Variants in GVQW3 observed in about 807,000 individuals in gnomAD.
GVQW3 encodes the protein protein GVQW3.
A neutral mutation model predicts 12.5 loss-of-function variants in GVQW3; 7 were observed. The observed-to-expected ratio is 0.56, with a 90% CI of 0.32 to 1.05. The LOEUF is 1.05. Among genes scored for constraint, GVQW3 ranks in the 50% least tolerant of loss-of-function variants. GVQW3 has a pLI of 0.04. For synonymous variants in GVQW3, 71 were observed against 67.2 expected (o/e 1.06, Z -0.28); for missense variants, 188 against 190.8 (o/e 0.99, Z 0.09).
At chr11:76,400,134 T>G (rs754090496) in intron 1 of GVQW3, among the ~76,000 whole-genome samples, 18 of 151,692 alleles carry the variant, frequency 1.2e-4, no homozygotes, top group Non-Finnish European at 2.5e-4. Context: ...TTTTTTGAGA[T>G]GGAGTTTCGC....
intron 1 of GVQW3, chr11:76,392,609 T>G (rs1242683604): frequency 2.6e-5 from 4 of 152,244 alleles, no homozygotes; most frequent in Admixed American, 2.6e-4. Context: ...ATCTTTAAAA[T>G]CATGCTCACC....
At chr11:76,399,387 C>G (rs1454956983) in intron 1 of GVQW3, among the ~76,000 whole-genome samples, 1 of 152,148 alleles carries the variant, frequency 6.6e-6, no homozygotes, top group Non-Finnish European at 1.5e-5. Flanking sequence ...AATGATCCAC[C>G]CACCTCGGCC....
intron 1 of GVQW3, 23 bp from the exon 2 acceptor site, chr11:76,403,637 T>TTTTTTA: frequency 2.3e-6 from 1 of 444,032 alleles, no homozygotes; most frequent in South Asian, 6.2e-5. Context: ...GCCCAAATAA[T>TTTTTTA]TTTTTATTTT....
rs1304778167 is a variant in GVQW3 at position 76,405,301 on chromosome 11, TG to T, written c.*1546del. 6.6e-6 allele frequency: 1 copy of T among 152,238 alleles called. No individual in the cohort carries two copies. The highest frequency in any genetic ancestry group is 1.5e-5 in the Non-Finnish European group (1 of 68,068). The allele number at this position is 152,238 out of a possible 1,614,324, so 9.4% of individuals were successfully genotyped here. On this transcript the variant is annotated 3_prime_UTR_variant, in exon 2 of 2. Transcript: ENST00000529331. ...TAGGTAACAAGGAGCAAATGGCTTT[TG>T]GGTAGCCAGTCAACAGGGTCTGCCA...
intron 1 of GVQW3, among the ~76,000 whole-genome samples, chr11:76,402,319 G>A (rs1479063786): frequency 6.6e-6 from 1 of 152,202 alleles, no homozygotes; most frequent in Non-Finnish European, 1.5e-5. Flanking sequence ...TTGGGAGGCT[G>A]AGGTGGGTGG....
At chr11:76,408,814 G>A (rs1947063852), downstream of GVQW3, among the ~76,000 whole-genome samples, 1 of 152,196 alleles carries the variant, frequency 6.6e-6, no homozygotes, top group Non-Finnish European at 1.5e-5. Context: ...CAGACAGGGT[G>A]GAGTGGAAAG....
At chr11:76,390,669 C>A (rs563159186) in intron 1 of GVQW3, among the ~76,000 whole-genome samples, 1 of 151,742 alleles carries the variant, frequency 6.6e-6, no homozygotes, top group Non-Finnish European at 1.5e-5. Context: ...TAAAAAAATA[C>A]GAAAAAAATT....
downstream of GVQW3, chr11:76,411,233 G>T (rs953467526): frequency 6.6e-6 from 1 of 152,406 alleles, no homozygotes; most frequent in Non-Finnish European, 1.5e-5. Flanking sequence ...GTCTGGAGGA[G>T]GCTCAGTTTC....
At chr11:76,398,144 AAAAAAAG>A (rs1306357261) in intron 1 of GVQW3, among the ~76,000 whole-genome samples, 1 of 151,794 alleles carries the variant, frequency 6.6e-6, no homozygotes, top group Non-Finnish European at 1.5e-5. Context: ...CAAAAAAAAA[AAAAAAAG>A]AAAGAAAAGA....
At chr11:76,402,853 C>G (rs1947004256) in intron 1 of GVQW3, among the ~76,000 whole-genome samples, 1 of 152,086 alleles carries the variant, frequency 6.6e-6, no homozygotes, top group African/African-American at 2.4e-5. Context: ...CACACACCAC[C>G]ACACCCGACT....
intron 1 of GVQW3, among the ~76,000 whole-genome samples, chr11:76,400,711 C>A (rs1214474577): frequency 6.6e-6 from 1 of 152,144 alleles, no homozygotes. Flanking sequence ...TAAGCCACTG[C>A]ACCCGGCCCC....
downstream of GVQW3, chr11:76,411,079 C>T (rs1167319818): frequency 6.6e-6 from 1 of 152,300 alleles, no homozygotes; most frequent in African/African-American, 2.4e-5. Flanking sequence ...GCTCCACATA[C>T]AGTAGTTCCT....
At chr11:76,385,437 G>A (rs575915218) in intron 1 of GVQW3, among the ~76,000 whole-genome samples, 1 of 152,266 alleles carries the variant, frequency 6.6e-6, no homozygotes, top group South Asian at 2.1e-4. Flanking sequence ...CCAGCTATGT[G>A]TCCGTCACAC....
At chr11:76,403,242 G>A (rs12293827) in intron 1 of GVQW3, among the ~76,000 whole-genome samples, 19,745 of 152,088 alleles carry the variant, frequency 0.13, 1,676 homozygotes, top group African/African-American at 0.23. Flanking sequence ...CACCACTCCC[G>A]GCCTTGGAGG....
Position 76,403,721 on chromosome 11 carries a change from C to T in GVQW3, c.527C>T (p.Pro176Leu). ...AACTCCTTGTCTCAAGGGATCCTCC[C>T]ACCTTGGCCTCCCAAAGCTCTGGGA... is the stretch of plus-strand genomic sequence containing the variant. Reference protein sequence around the residue: ...VSNSLSQGILPPWPPKALGLS... With the variant: ...VSNSLSQGILLPWPPKALGLS... Residue 176 changes from proline to leucine, a missense_variant, in exon 2 of 2, where the codon CCA becomes CTA. Pro to Leu is a moderately conservative substitution (Grantham distance 98, BLOSUM62 -3). Coordinates refer to ENST00000529331, the MANE Select transcript of GVQW3 (RefSeq NM_001347885.2). The T allele has an allele frequency of 4.1e-6, 2 of 488,078 alleles. 1 individual carries two copies. The highest frequency in any genetic ancestry group is 6.8e-5 in the South Asian group (2 of 29,388). 30.2% of individuals were successfully genotyped at this position (488,078 alleles called of 1,614,324 possible). A position where few individuals can be genotyped will look rare whatever the true frequency, so the allele number is the denominator to read the frequency against.
chr11:76,387,927 A>C (rs769372745), intron 1 of GVQW3, among the ~76,000 whole-genome samples: 1 of 152,118 alleles, frequency 6.6e-6, no homozygotes, highest in Non-Finnish European at 1.5e-5. Context: ...TGTCTCAAAC[A>C]AAAAAAAGAA....
chr11:76,387,792 ACGT>A (rs1461388071), intron 1 of GVQW3, among the ~76,000 whole-genome samples: 1 of 152,148 alleles, frequency 6.6e-6, no homozygotes, highest in Non-Finnish European at 1.5e-5. Flanking sequence ...GCATGGTGGC[ACGT>A]GGCTGTAGTC....
rs547619465 is a variant in GVQW3, at chr11:76,404,787, G to C, written c.*1029G>C. ...CTTTTCACTTCCTTCCTTAGACTGGGGGCGCCTCTTGCCCTGTGCATCTTG... is the reference window on the plus strand; with the variant it reads ...CTTTTCACTTCCTTCCTTAGACTGGCGGCGCCTCTTGCCCTGTGCATCTTG... On this transcript the variant is annotated 3_prime_UTR_variant, in exon 2 of 2. Transcript: ENST00000529331. The C allele has an allele frequency of 6.6e-6, 1 of 152,358 alleles. No individual in the cohort carries two copies. The highest frequency in any genetic ancestry group is 2.4e-5 in the African/African-American group (1 of 41,458). 9.4% of individuals were successfully genotyped at this position (152,358 alleles called of 1,614,324 possible).
intron 1 of GVQW3, among the ~76,000 whole-genome samples, chr11:76,395,278 A>C (rs551836291): frequency 1.3e-5 from 2 of 152,356 alleles, no homozygotes; most frequent in East Asian, 3.9e-4. Context: ...CCCTATACTC[A>C]TTAAGCAGTC....
Sources: gnomAD v4.1 joint callset for allele counts (sites outside exome capture counted in the v4.1 genomes callset) on GRCh38, gnomAD v4.1.1 for gene constraint, MANE v1.5 for transcripts, NCBI Gene and HGNC (gene_info 2026-07-23, HGNC 2026-07-21) for gene names.